Variants in NGFR observed in about 807,000 individuals in gnomAD.
NGFR encodes nerve growth factor receptor.
In NGFR, 30 loss-of-function variants were observed where a neutral mutation model predicts 43.2. The ratio of observed to expected loss-of-function variants is 0.69; its 90% CI spans 0.52 to 0.94. NGFR has a LOEUF of 0.94. Ranked by LOEUF, NGFR falls within the 40% of genes least tolerant of loss-of-function variation. The probability of loss-of-function intolerance (pLI) is 0.00; values close to 1 mark genes in which losing one functional copy is unlikely to be tolerated. For missense variants in NGFR, 529 were observed against 602.5 expected (o/e 0.88, Z 1.28); for synonymous variants, 246 against 259.6 (o/e 0.95, Z 0.50).
At chr17:49,506,699 G>GGGGC in intron 3 of NGFR, 41 bp downstream of exon 3, 1 of 402,094 alleles carries the variant, frequency 2.5e-6, no homozygotes, top group Non-Finnish European at 4.3e-6. Context: ...GGGGTGCGGG[G>GGGGC]GTGGGCTGGG....
rs373804843 is a variant in NGFR, at chr17:49,512,756, G to A, written c.1031G>A (p.Arg344Gln). The A allele has an allele frequency of 1.6e-5, 25 of 1,612,836 alleles. No homozygotes were observed. Among genetic ancestry groups the A allele is most frequent in the African/African-American group, 5.3e-5 (4 of 75,024 alleles). The change falls in exon 6 of 6, where the codon CGG (arginine) becomes CAG (glutamine). Residue 344 changes from arginine to glutamine, a missense_variant. Transcript: ENST00000172229. This position sits in a 1 kb window ranked among gnomAD's most constrained non-coding sequence, Gnocchi z 5.2. ...TACAGCAGCCTGCCCCCAGCCAAGC[G>A]GGAGGAGGTGGAGAAGCTTCTCAAC... is the stretch of plus-strand genomic sequence containing the variant. ...GLYSSLPPAKREEVEKLLNGS... is the reference protein window; with the variant it reads ...GLYSSLPPAKQEEVEKLLNGS...
intron 1 of NGFR, among the ~76,000 whole-genome samples, chr17:49,498,411 G>T (rs756422319): frequency 3.3e-5 from 5 of 152,190 alleles, no homozygotes; most frequent in Admixed American, 6.5e-5. Context: ...GTATGTGCCA[G>T]TGCCTCCCCT....
chr17:49,502,000 A>AGGGCCCCCCCCCCCC, intron 1 of NGFR, 63 bp from the exon 2 acceptor site: 37 of 264,874 alleles, frequency 1.4e-4, no homozygotes, highest in East Asian at 2.6e-4. Context: ...CCCCGGAAGA[A>AGGGCCCCCCCCCCCC]CCCCCCCCAA....
In NGFR at chr17:49,495,820, C is replaced by T; in HGVS notation, c.66+337C>T. On this transcript the variant is annotated intron_variant, in intron 1 of 5. Transcript: ENST00000172229. This position sits in a 1 kb window ranked among gnomAD's most constrained non-coding sequence, Gnocchi z 6.4. ...TCTTCGGAAGAGGACACTCGAATGC[C>T]GGGATCCCGAAGGGACTTTCCCCTC... 1 of 294,380 alleles carries T rather than the reference C, an allele frequency of 3.4e-6. No individual in the cohort carries two copies. The highest frequency in any genetic ancestry group is 6.3e-6 in the Non-Finnish European group (1 of 159,448). 18.2% of individuals were successfully genotyped at this position (294,380 alleles called of 1,614,324 possible).
At position 49,513,998 on chromosome 17, in the gene NGFR, A is replaced by G. The variant is rs2071252742; in HGVS notation, c.*989A>G. 1 of 152,286 alleles carries G rather than the reference A, an allele frequency of 6.6e-6. No homozygotes were observed. Among genetic ancestry groups the G allele is most frequent in the African/African-American group, 2.4e-5 (1 of 41,430 alleles). The allele number at this position is 152,286 out of a possible 1,614,324, so 9.4% of individuals were successfully genotyped here. On this transcript the variant is annotated 3_prime_UTR_variant, in exon 6 of 6. Transcript: ENST00000172229. Reference sequence around the variant, plus strand: ...GGACCCGGAGCTAACACTGGCCCCTAGAATCAGCCTAGGGGTCAGGGACCA... The same window carrying G: ...GGACCCGGAGCTAACACTGGCCCCTGGAATCAGCCTAGGGGTCAGGGACCA...
intron 1 of NGFR, 58 bp from the exon 2 acceptor site, chr17:49,502,005 C>G: frequency 2.2e-6 from 1 of 457,876 alleles, no homozygotes; most frequent in Non-Finnish European, 3.7e-6. Flanking sequence ...GAAGAACCCC[C>G]CCCAACCCAC....
In NGFR at chr17:49,513,077, G is replaced by T; in HGVS notation, c.*68G>T. 2 of 1,428,524 alleles carry T rather than the reference G, an allele frequency of 1.4e-6. No homozygotes were observed. The highest frequency in any genetic ancestry group is 5.0e-5 in the East Asian group (2 of 39,936). 88.5% of individuals were successfully genotyped at this position (1,428,524 alleles called of 1,614,324 possible). On this transcript the variant is annotated 3_prime_UTR_variant, in exon 6 of 6. Transcript: ENST00000172229. Reference sequence around the variant, plus strand: ...CGATGCTCCAGCCAACCCCTGTGGAGCCCGCACCCCCACCCTTTGGGGGGG... The same window carrying T: ...CGATGCTCCAGCCAACCCCTGTGGATCCCGCACCCCCACCCTTTGGGGGGG...
At position 49,512,124 on chromosome 17, in the gene NGFR, C is replaced by T; in HGVS notation, c.982+72C>T. 4.6e-6 allele frequency: 7 copies of T among 1,532,708 alleles called. No homozygotes were observed. Among genetic ancestry groups the T allele is most frequent in the East Asian group, 2.4e-5 (1 of 42,304 alleles). 94.9% of individuals were successfully genotyped at this position (1,532,708 alleles called of 1,614,324 possible). A position where few individuals can be genotyped will look rare whatever the true frequency, so the allele number is the denominator to read the frequency against. Reference sequence around the variant, plus strand: ...AAACAGAAGCAATTAAGATTAGACTCCAGGAAGGACTGTCGGGGGGGCGGC... The same window carrying T: ...AAACAGAAGCAATTAAGATTAGACTTCAGGAAGGACTGTCGGGGGGGCGGC... On this transcript the variant is annotated intron_variant, in intron 5 of 5. Coordinates refer to ENST00000172229, the MANE Select transcript of NGFR (RefSeq NM_002507.4). The surrounding 1 kb of genome is among the most constrained non-coding windows in gnomAD (Gnocchi z 5.2).
intron 1 of NGFR, among the ~76,000 whole-genome samples, chr17:49,498,813 C>A (rs1273674026): frequency 2.0e-5 from 3 of 152,128 alleles, no homozygotes; most frequent in Non-Finnish European, 4.4e-5. Context: ...ATAAATTAAT[C>A]CTTTTGGATC....
At chr17:49,511,742 G>A in intron 4 of NGFR, 150 bp from the exon 5 acceptor site, 8 of 875,272 alleles carry the variant, frequency 9.1e-6, no homozygotes, top group South Asian at 2.2e-5. Flanking sequence ...GGGGGCAGAT[G>A]TGCAAAGAGG....
At chr17:49,502,295 G>GT (rs1294215413) in intron 2 of NGFR, 91 bp downstream of exon 2, 1 of 1,404,114 alleles carries the variant, frequency 7.1e-7, no homozygotes, top group Non-Finnish European at 9.6e-7. Flanking sequence ...AGCATGCCCA[G>GT]TAGAGGCCTT....
chr17:49,512,570 C>G lies in NGFR; in HGVS notation c.983-138C>G. On this transcript the variant is annotated intron_variant, in intron 5 of 5. Coordinates refer to ENST00000172229, the MANE Select transcript of NGFR (RefSeq NM_002507.4). The surrounding 1 kb of genome is among the most constrained non-coding windows in gnomAD (Gnocchi z 5.2). Reference sequence around the variant, plus strand: ...GGTGCCTTCACTTCCTGGTGCCCCACCCAGGACCTTGTCTTGGCCCCAGGC... The same window carrying G: ...GGTGCCTTCACTTCCTGGTGCCCCAGCCAGGACCTTGTCTTGGCCCCAGGC... 1 of 1,148,398 alleles carries G rather than the reference C, an allele frequency of 8.7e-7. No individual in the cohort carries two copies. The highest frequency in any genetic ancestry group is 1.2e-6 in the Non-Finnish European group (1 of 809,824). The allele number at this position is 1,148,398 out of a possible 1,614,324, so 71.1% of individuals were successfully genotyped here. A position where few individuals can be genotyped will look rare whatever the true frequency, so the allele number is the denominator to read the frequency against.
chr17:49,514,162 A>C lies in NGFR; in HGVS notation c.*1153A>C, dbSNP rs1249290270. On this transcript the variant is annotated 3_prime_UTR_variant, in exon 6 of 6. Transcript: ENST00000172229. ...CAGCTGCCAGAGAAGCATCGGAGGG[A>C]ATTGAGGTCTGCTCGGCCGTCTTCA... 1 of 154,236 alleles carries C rather than the reference A, an allele frequency of 6.5e-6. No individual in the cohort carries two copies. The highest frequency in any genetic ancestry group is 2.4e-5 in the African/African-American group (1 of 41,382). The allele number at this position is 154,236 out of a possible 1,614,324, so 9.6% of individuals were successfully genotyped here. A position where few individuals can be genotyped will look rare whatever the true frequency, so the allele number is the denominator to read the frequency against.
chr17:49,509,944 C>G (rs2071220968), intron 3 of NGFR, among the ~76,000 whole-genome samples: 2 of 152,106 alleles, frequency 1.3e-5, no homozygotes, highest in African/African-American at 4.8e-5. Flanking sequence ...CTAGGGTCAT[C>G]AAGGACAAGC....
At chr17:49,506,682 G>GCCT in intron 3 of NGFR, 24 bp downstream of exon 3, 1 of 1,174,410 alleles carries the variant, frequency 8.5e-7, no homozygotes, top group Non-Finnish European at 1.1e-6. Context: ...GGGGGGCGGG[G>GCCT]GGAGTGGGGG....
chr17:49,506,699 G>GGGGGGGGGGGGGGGGGGGGGGCC, intron 3 of NGFR, 41 bp downstream of exon 3: 1 of 402,092 alleles, frequency 2.5e-6, no homozygotes, highest in Non-Finnish European at 4.3e-6. Context: ...GGGGTGCGGG[G>GGGGGGGGGGGGGGGGGGGGGGCC]GTGGGCTGGG....
chr17:49,510,350 G>A, intron 3 of NGFR, 62 bp from the exon 4 acceptor site: 1 of 1,593,808 alleles, frequency 6.3e-7, no homozygotes, highest in Non-Finnish European at 8.6e-7. Flanking sequence ...ACGGCAGTGG[G>A]TTAGAGCTAA....
intron 2 of NGFR, 41 bp from the exon 3 acceptor site, chr17:49,506,258 C>A (rs751483680): frequency 3.3e-6 from 5 of 1,513,292 alleles, no homozygotes; most frequent in Non-Finnish European, 4.4e-6. Context: ...CCCGGGTGCC[C>A]AAAAGAGCAG....
At chr17:49,510,951 C>T (rs939656164) in intron 4 of NGFR, 4 of 448,726 alleles carry the variant, frequency 8.9e-6, no homozygotes, top group African/African-American at 5.9e-5. Flanking sequence ...TGCTTGTGTC[C>T]TCATCCCCAA....
Sources: gnomAD v4.1 joint callset for allele counts (sites outside exome capture counted in the v4.1 genomes callset) on GRCh38, gnomAD v4.1.1 for gene constraint, Gnocchi (gnomAD v3.1) non-coding constraint, MANE v1.5 for transcripts, NCBI Gene and HGNC (gene_info 2026-07-23, HGNC 2026-07-21) for gene names.